Variants in TRAK1 observed in about 807,000 individuals in gnomAD.
TRAK1 encodes the protein trafficking kinesin-binding protein 1.
TRAK1 carries 33 observed loss-of-function variants against 92.1 expected under a neutral mutation model. The observed-to-expected ratio is 0.36, with a 90% confidence interval of 0.27 to 0.48. The LOEUF (loss-of-function observed/expected upper bound fraction) is 0.48. TRAK1 is among the 20% of genes least tolerant of loss of function. The pLI, the probability that TRAK1 is intolerant of heterozygous loss-of-function variation, is 0.99. For synonymous variants in TRAK1, 521 were observed against 517.3 expected, an observed-to-expected ratio of 1.01 and a Z score of -0.10; for missense variants, 1,123 against 1,257.9, an observed-to-expected ratio of 0.89 and a Z score of 1.62.
intron 2 of TRAK1, among the ~76,000 whole-genome samples, chr3:42,155,903 A>G (rs1454375684): frequency 1.3e-5 from 2 of 152,130 alleles, no homozygotes; most frequent in Non-Finnish European, 2.9e-5. Context: ...TGTCAAGTAG[A>G]TGTGAGCAGG....
At position 42,202,504 on chromosome 3, in the gene TRAK1, T is replaced by C; in HGVS notation, c.1496T>C (p.Leu499Pro). Residue 499 changes from leucine (L) to proline (P), a missense_variant, in exon 13 of 16, where the codon CTG becomes CCG. Leu to Pro is a moderately conservative substitution (Grantham distance 98). Around this residue, in one of 3 missense-constraint regions of TRAK1, gnomAD observed 686 missense variants for 747.6 expected, o/e 0.92. Transcript: ENST00000327628. The surrounding 1 kb of genome is among the most constrained non-coding windows in gnomAD (Gnocchi z 6.1). ...TPGSHDLETALRRLSLRRENY... is the reference protein window; with the variant it reads ...TPGSHDLETAPRRLSLRRENY... Reference sequence around the variant, plus strand: ...GGCTCCCACGACCTGGAGACGGCGCTGAGGCGGCTGTCCCTGCGCCGGGAG... The same window carrying C: ...GGCTCCCACGACCTGGAGACGGCGCCGAGGCGGCTGTCCCTGCGCCGGGAG... The C allele has an allele frequency of 6.6e-7, 1 of 1,520,528 alleles. No individual in the cohort carries two copies. Among genetic ancestry groups the C allele is most frequent in the Non-Finnish European group, 8.9e-7 (1 of 1,129,072 alleles). The allele number at this position is 1,520,528 out of a possible 1,614,324, so 94.2% of individuals were successfully genotyped here.
chr3:42,078,487 C>T (rs1704263789), intron 1 of TRAK1, among the ~76,000 whole-genome samples: 1 of 151,930 alleles, frequency 6.6e-6, no homozygotes, highest in African/African-American at 2.4e-5. Context: ...GGCACGGTGG[C>T]TTATGCCTGT....
chr3:42,187,509 C>T (rs1308359204), intron 4 of TRAK1, among the ~76,000 whole-genome samples: 2 of 151,944 alleles, frequency 1.3e-5, no homozygotes, highest in African/African-American at 2.4e-5. Flanking sequence ...GCTCTGTTGC[C>T]CAGGCTGGAG....
In TRAK1 at chr3:42,223,543, G is replaced by A. The variant is rs546729861; in HGVS notation, c.2668G>A (p.Val890Ile). 6.2e-7 allele frequency: 1 copy of A among 1,613,730 alleles called. No homozygotes were observed. Among genetic ancestry groups the A allele is most frequent in the African/African-American group, 1.3e-5 (1 of 74,924 alleles). The part of the protein sequence containing the change: ...PAPALVPRGL[V>I]PEGLPLRCPT... ...ACCAGCCCTTGTTCCCAGAGGCCTG[G>A]TACCTGAGGGCCTGCCCCTCAGATG... Residue 890 changes from valine (V) to isoleucine (I), a missense_variant, in exon 16 of 16, where the codon GTA (valine) becomes ATA (isoleucine). By Grantham distance (29) the Val-to-Ile change is conservative (BLOSUM62 3). Around this residue, in one of 3 missense-constraint regions of TRAK1, gnomAD observed 401 missense variants for 438.9 expected, o/e 0.91. Coordinates refer to ENST00000327628, the MANE Select transcript of TRAK1 (RefSeq NM_001042646.3). The surrounding 1 kb of genome is among the most constrained non-coding windows in gnomAD (Gnocchi z 6.1).
chr3:42,124,774 T>G (rs1278356994), intron 1 of TRAK1, among the ~76,000 whole-genome samples: 1 of 152,212 alleles, frequency 6.6e-6, no homozygotes, highest in African/African-American at 2.4e-5. Context: ...TAATTCTGCT[T>G]GGTGTGCTCA....
At chr3:42,113,484 C>T (rs1708764143) in intron 1 of TRAK1, among the ~76,000 whole-genome samples, 1 of 150,946 alleles carries the variant, frequency 6.6e-6, no homozygotes, top group Non-Finnish European at 1.5e-5. Flanking sequence ...AGCGCAGTGG[C>T]ATGATCTTGG....
rs41289572 is a variant in TRAK1, at chr3:42,200,926, C to A, written c.1299C>A (p.Ala433=). ...MNIPGSNQSS[A]MNSLLSSCVS... The stretch of plus-strand genomic sequence containing the variant: ...TCCCCGGCTCCAACCAGTCCTCGGC[C>A]ATGAACTCCCTCCTGTCCAGCTGCG... The change falls in exon 12 of 16, where the codon GCC becomes GCA. Residue 433 remains alanine (A), a synonymous_variant. Coordinates refer to ENST00000327628, the MANE Select transcript of TRAK1 (RefSeq NM_001042646.3). 5.9e-4 allele frequency: 960 copies of A among 1,614,236 alleles called. 1 individual carries two copies. The highest frequency in any genetic ancestry group is 7.8e-4 in the Non-Finnish European group (916 of 1,180,044).
upstream of TRAK1, among the ~76,000 whole-genome samples, chr3:42,084,241 A>G (rs1459639892): frequency 1.3e-5 from 2 of 152,050 alleles, no homozygotes; most frequent in Admixed American, 1.3e-4. Flanking sequence ...TCTCAAGCTA[A>G]TTTATAGACT....
chr3:42,224,138 G>A lies in TRAK1; in HGVS notation c.*401G>A. 2.2e-6 allele frequency: 1 copy of A among 460,102 alleles called. No individual in the cohort carries two copies. Among genetic ancestry groups the A allele is most frequent in the Non-Finnish European group, 4.4e-6 (1 of 229,834 alleles). 28.5% of individuals were successfully genotyped at this position (460,102 alleles called of 1,614,324 possible). Reference sequence around the variant, plus strand: ...TTCCGTGGCTGGCACACCACGAGCTGTCACGCGGCACGGGTCATAACACAT... The same window carrying A: ...TTCCGTGGCTGGCACACCACGAGCTATCACGCGGCACGGGTCATAACACAT... On this transcript the variant is annotated 3_prime_UTR_variant, in exon 16 of 16. Coordinates refer to ENST00000327628, the MANE Select transcript of TRAK1 (RefSeq NM_001042646.3).
chr3:42,158,289 C>T lies in TRAK1; in HGVS notation c.287-18525C>T, dbSNP rs1700793677. Among the ~76,000 whole-genome samples the T allele has an allele frequency of 2.0e-5, 3 of 152,152 alleles. No individual in the cohort carries two copies. The South Asian group carries it at 6.2e-4, about 32-fold the overall frequency. The stretch of plus-strand genomic sequence containing the variant: ...TTGTTTTCCTTTATATACACTGTGG[C>T]CGGCACAATATCCTACTCATCTTAT... On this transcript the variant is annotated intron_variant, in intron 2 of 15. Coordinates refer to ENST00000327628, the MANE Select transcript of TRAK1 (RefSeq NM_001042646.3).
intron 2 of TRAK1, among the ~76,000 whole-genome samples, chr3:42,164,578 T>TATA (rs1312781681): frequency 1.3e-5 from 2 of 152,198 alleles, no homozygotes; most frequent in Non-Finnish European, 2.9e-5. Context: ...CTGACAGAGT[T>TATA]CTAGGCCCTT....
chr3:42,114,453 C>A (rs1708901320), intron 1 of TRAK1, among the ~76,000 whole-genome samples: 1 of 152,214 alleles, frequency 6.6e-6, no homozygotes, highest in Non-Finnish European at 1.5e-5. Context: ...GAATTTTACA[C>A]TTCAGATTGT....
At position 42,202,611 on chromosome 3, in the gene TRAK1, A is replaced by G. The variant is rs372066516; in HGVS notation, c.1603A>G (p.Ser535Gly). Residue 535 changes from serine to glycine, a missense_variant, in exon 13 of 16, where the codon AGC (serine) becomes GGC (glycine). This residue lies in a region of TRAK1 where 686 missense variants were observed against 747.6 expected (regional missense o/e 0.92). Transcript: ENST00000327628. The surrounding 1 kb of genome is among the most constrained non-coding windows in gnomAD (Gnocchi z 6.1). Reference sequence around the variant, plus strand: ...GCTGGCGGAGAAGGGCGAGCTGCGCAGCGGCTCCCTCACACCCACTGAGAG... The same window carrying G: ...GCTGGCGGAGAAGGGCGAGCTGCGCGGCGGCTCCCTCACACCCACTGAGAG... ...QELAEKGELR[S>G]GSLTPTESIM... The G allele has an allele frequency of 6.3e-7, 1 of 1,599,792 alleles. No individual in the cohort carries two copies. The highest frequency in any genetic ancestry group is 1.1e-5 in the South Asian group (1 of 90,374).
intron 1 of TRAK1, among the ~76,000 whole-genome samples, chr3:42,121,662 C>T (rs1176372085): frequency 6.6e-6 from 1 of 152,176 alleles, no homozygotes; most frequent in Non-Finnish European, 1.5e-5. Flanking sequence ...CATAGGGGGT[C>T]TGTGGGGCTT....
At chr3:42,150,741 A>T (rs1699861442) in intron 2 of TRAK1, among the ~76,000 whole-genome samples, 1 of 152,160 alleles carries the variant, frequency 6.6e-6, no homozygotes, top group Admixed American at 6.5e-5. Context: ...ATGGTATTTA[A>T]ATGTGTGGAA....
intron 1 of TRAK1, among the ~76,000 whole-genome samples, chr3:42,099,513 C>A (rs1401600103): frequency 6.6e-6 from 1 of 152,154 alleles, no homozygotes; most frequent in Non-Finnish European, 1.5e-5. Context: ...ACGAACTGAA[C>A]CTTCTTAGTG....
chr3:42,181,705 G>C (rs1275291731), intron 3 of TRAK1, among the ~76,000 whole-genome samples: 13 of 152,224 alleles, frequency 8.5e-5, no homozygotes, highest in African/African-American at 2.4e-5. Context: ...ACTAGTTCTA[G>C]TAGAGACATT....
rs1708799904 is a variant in TRAK1 at position 42,209,956 on chromosome 3, C to T, written c.1934C>T (p.Ser645Phe). 2 of 1,614,224 alleles carry T rather than the reference C, an allele frequency of 1.2e-6. No homozygotes were observed. The highest frequency in any genetic ancestry group is 8.5e-7 in the Non-Finnish European group (1 of 1,180,040). The change falls in exon 14 of 16, where the codon TCC becomes TTC. Residue 645 changes from serine to phenylalanine, a missense_variant. By Grantham distance (155) the Ser-to-Phe change is radical. This residue lies in a region of TRAK1 where 401 missense variants were observed against 438.9 expected (regional missense o/e 0.91). Coordinates refer to ENST00000327628, the MANE Select transcript of TRAK1 (RefSeq NM_001042646.3). ...ATTTCTCTCCCACGCCTAGCTACCT[C>T]CACTCCAGTTCAGCACCCAGAGACC... ...DHISLPRLAT[S>F]TPVQHPETSA...
intron 1 of TRAK1, among the ~76,000 whole-genome samples, chr3:42,101,833 G>T (rs1290221916): frequency 1.3e-5 from 2 of 152,188 alleles, no homozygotes; most frequent in Non-Finnish European, 2.9e-5. Context: ...CCTCTTTTTA[G>T]TTGGGAAGCC....
Sources: allele counts gnomAD v4.1 joint callset (sites outside exome capture counted in the v4.1 genomes callset), GRCh38; gene constraint gnomAD v4.1.1; regional missense constraint gnomAD v4.1.1; non-coding constraint Gnocchi (gnomAD v3.1); transcripts MANE v1.5; gene names NCBI Gene and HGNC (gene_info 2026-07-23, HGNC 2026-07-21).